Variants in KALRN observed in about 807,000 individuals in gnomAD.
KALRN encodes kalirin.
KALRN carries 70 observed loss-of-function variants against 353.7 expected under a neutral mutation model. The ratio of observed to expected loss-of-function variants is 0.20; its 90% CI spans 0.16 to 0.24. The LOEUF (loss-of-function observed/expected upper bound fraction) is 0.24, where lower values mean the gene tolerates loss of function less well. Ranked by LOEUF, KALRN falls within the 10% of genes least tolerant of loss-of-function variation. The probability of loss-of-function intolerance (pLI) is 1.00; values close to 1 mark genes in which losing one functional copy is unlikely to be tolerated. For synonymous variants in KALRN, 1,391 were observed against 1,434.8 expected, an observed-to-expected ratio of 0.97 and a Z score of 0.69; for missense variants, 2,791 against 3,756.7, an observed-to-expected ratio of 0.74 and a Z score of 6.72.
chr3:124,086,134 T>A (rs1039186475), intron 1 of KALRN, among the ~76,000 whole-genome samples: 7 of 152,224 alleles, frequency 4.6e-5, no homozygotes, highest in East Asian at 1.9e-4. Context: ...TTCCTTTTTT[T>A]TTCTGTTATA....
intron 1 of KALRN, among the ~76,000 whole-genome samples, chr3:124,187,877 A>C (rs2074416494): frequency 1.3e-5 from 2 of 152,196 alleles, no homozygotes; most frequent in South Asian, 4.1e-4. Flanking sequence ...GTTTGAGCAA[A>C]GGAATATTAG....
At chr3:124,640,289 T>C (rs1010833644) in intron 37 of KALRN, among the ~76,000 whole-genome samples, 3 of 116,804 alleles carry the variant, frequency 2.6e-5, no homozygotes, top group African/African-American at 9.8e-5. Context: ...TTTCTTTCTT[T>C]TTTTTTTTTT....
chr3:124,672,194 C>T (rs2086555917), intron 48 of KALRN, among the ~76,000 whole-genome samples: 1 of 152,196 alleles, frequency 6.6e-6, no homozygotes, highest in African/African-American at 2.4e-5. Flanking sequence ...GCGATATGGC[C>T]ACTTCAGCCT....
At chr3:124,077,263 T>C (rs781700863) in intron 1 of KALRN, among the ~76,000 whole-genome samples, 6 of 152,122 alleles carry the variant, frequency 3.9e-5, no homozygotes, top group Admixed American at 6.5e-5. Flanking sequence ...CTTTTGTGAG[T>C]TGCTGAGCTC....
At chr3:124,409,206 G>T (rs2091909835) in intron 13 of KALRN, among the ~76,000 whole-genome samples, 1 of 152,194 alleles carries the variant, frequency 6.6e-6, no homozygotes, top group African/African-American at 2.4e-5. Context: ...AAGTAACTGA[G>T]TGGAAGGAGA....
chr3:124,153,584 G>A (rs1560094724), intron 1 of KALRN, among the ~76,000 whole-genome samples: 4 of 151,010 alleles, frequency 2.6e-5, no homozygotes, highest in Non-Finnish European at 3.0e-5. Flanking sequence ...ACATACGTGT[G>A]CATGTGTCTT....
intron 4 of KALRN, 116 bp from the exon 5 acceptor site, chr3:124,268,627 G>C (rs1052794447): frequency 2.7e-6 from 3 of 1,109,764 alleles, no homozygotes; most frequent in Non-Finnish European, 3.9e-6. Flanking sequence ...CACCATTTCC[G>C]AGGCAGGCTG....
intron 1 of KALRN, among the ~76,000 whole-genome samples, chr3:124,090,598 G>C (rs572980093): frequency 2.0e-5 from 3 of 152,316 alleles, no homozygotes; most frequent in African/African-American, 7.2e-5. Flanking sequence ...TGCCTTCCAG[G>C]TGAGCATACT....
At chr3:124,218,227 C>T (rs1039808326) in intron 1 of KALRN, among the ~76,000 whole-genome samples, 3 of 152,146 alleles carry the variant, frequency 2.0e-5, no homozygotes, top group African/African-American at 7.2e-5. Context: ...ACTGACTTTT[C>T]AAGTCAGCAA....
At chr3:124,610,164 G>A (rs574625783) in intron 34 of KALRN, among the ~76,000 whole-genome samples, 1 of 152,312 alleles carries the variant, frequency 6.6e-6, no homozygotes, top group South Asian at 2.1e-4. Flanking sequence ...AGTGAGGAGA[G>A]TAGGAGCAAC....
At chr3:124,638,593 C>A (rs1331951144) in intron 37 of KALRN, among the ~76,000 whole-genome samples, 2 of 151,752 alleles carry the variant, frequency 1.3e-5, no homozygotes, top group African/African-American at 4.8e-5. Flanking sequence ...TTCTTTTTTG[C>A]ATTTTTTCTT....
At chr3:124,348,614 A>G (rs951920018) in intron 10 of KALRN, among the ~76,000 whole-genome samples, 2 of 152,226 alleles carry the variant, frequency 1.3e-5, no homozygotes, top group Admixed American at 6.5e-5. Context: ...TGGTGCAGCC[A>G]CTGTGGAAAA....
intron 38 of KALRN, 124 bp from the exon 39 acceptor site, chr3:124,655,477 T>C: frequency 2.8e-6 from 2 of 703,028 alleles, no homozygotes; most frequent in Non-Finnish European, 5.1e-6. Flanking sequence ...TCCCAGGAGA[T>C]AAGTGTGGGT....
At chr3:124,134,482 G>A (rs1429363878) in intron 1 of KALRN, among the ~76,000 whole-genome samples, 2 of 152,168 alleles carry the variant, frequency 1.3e-5, no homozygotes, top group African/African-American at 2.4e-5. Context: ...TTTCATAGCC[G>A]AAAACCCAAA....
chr3:124,675,855 T>C (rs11710722), intron 49 of KALRN, among the ~76,000 whole-genome samples: 11 of 152,146 alleles, frequency 7.2e-5, no homozygotes, highest in Non-Finnish European at 1.3e-4. Flanking sequence ...ATGAGCTATC[T>C]GAGCAGTGGC....
intron 6 of KALRN, 25 bp downstream of exon 6, chr3:124,298,938 A>G: frequency 6.2e-7 from 1 of 1,613,920 alleles, no homozygotes. Context: ...TGTTCTCAGC[A>G]CTGCCTCTGG....
intron 1 of KALRN, among the ~76,000 whole-genome samples, chr3:124,071,869 T>C (rs1440066049): frequency 6.6e-6 from 1 of 152,188 alleles, no homozygotes; most frequent in Non-Finnish European, 1.5e-5. Context: ...GAGCAGAATA[T>C]GTCCATGTCA....
intron 1 of KALRN, among the ~76,000 whole-genome samples, chr3:124,183,840 C>T (rs2073907641): frequency 1.3e-5 from 2 of 152,166 alleles, no homozygotes; most frequent in Admixed American, 1.3e-4. Context: ...TCTTGTATAG[C>T]TTTAAAAATG....
intron 13 of KALRN, among the ~76,000 whole-genome samples, chr3:124,402,794 A>G (rs2091039113): frequency 1.3e-5 from 2 of 152,144 alleles, no homozygotes; most frequent in Non-Finnish European, 2.9e-5. Context: ...TGGGTTCCAT[A>G]TTTCAAATAG....
Sources: gnomAD v4.1 joint callset for allele counts (sites outside exome capture counted in the v4.1 genomes callset) on GRCh38, gnomAD v4.1.1 for gene constraint, MANE v1.5 for transcripts, NCBI Gene and HGNC (gene_info 2026-07-23, HGNC 2026-07-21) for gene names.